Variants in ANTXR1 observed in about 807,000 individuals in gnomAD.
ANTXR1 encodes anthrax toxin receptor 1.
ANTXR1 carries 19 observed loss-of-function variants against 78.1 expected under a neutral mutation model. That is an observed-to-expected ratio of 0.24 (90% CI 0.17 to 0.36). The LOEUF (loss-of-function observed/expected upper bound fraction) is 0.36, where lower values mean the gene tolerates loss of function less well. ANTXR1 is among the 10% of genes least tolerant of loss of function. The pLI is 1.00. For synonymous variants in ANTXR1, 273 were observed against 260.5 expected (o/e 1.05, Z -0.46); for missense variants, 518 against 718.6 (o/e 0.72, Z 3.19).
intron 11 of ANTXR1, 81 bp from the exon 12 acceptor site, chr2:69,124,484 A>T: frequency 8.2e-7 from 1 of 1,218,280 alleles, no homozygotes; most frequent in East Asian, 2.3e-5. Flanking sequence ...CAGAGCCCAA[A>T]GGAGTCCTGT....
intron 3 of ANTXR1, among the ~76,000 whole-genome samples, chr2:69,066,408 G>T (rs1429013219): frequency 1.3e-5 from 2 of 151,988 alleles, no homozygotes; most frequent in African/African-American, 4.8e-5. Context: ...CGATTCTCCT[G>T]CCTCATCCTC....
chr2:69,172,892 G>A (rs1309304794), intron 14 of ANTXR1, among the ~76,000 whole-genome samples: 1 of 152,212 alleles, frequency 6.6e-6, no homozygotes, highest in Non-Finnish European at 1.5e-5. Flanking sequence ...CCTGGGTTAA[G>A]AATCTTCTCA....
At chr2:69,140,023 G>A (rs967943362) in intron 12 of ANTXR1, among the ~76,000 whole-genome samples, 7 of 152,150 alleles carry the variant, frequency 4.6e-5, no homozygotes, top group Non-Finnish European at 7.3e-5. Context: ...CTGAAAACTG[G>A]TTTTGATTAA....
At chr2:69,230,474 A>T (rs746275767) in intron 17 of ANTXR1, among the ~76,000 whole-genome samples, 9 of 152,046 alleles carry the variant, frequency 5.9e-5, no homozygotes, top group Non-Finnish European at 1.3e-4. Flanking sequence ...TAGCCTTAGG[A>T]CAGAGTTTGT....
chr2:69,231,544 T>C (rs563830357), intron 17 of ANTXR1, among the ~76,000 whole-genome samples: 9 of 152,208 alleles, frequency 5.9e-5, no homozygotes, highest in African/African-American at 9.6e-5. Context: ...TAACAAACCA[T>C]CCAAAAACCT....
chr2:69,079,159 A>G (rs1379842526), intron 8 of ANTXR1, among the ~76,000 whole-genome samples: 1 of 152,176 alleles, frequency 6.6e-6, no homozygotes, highest in Non-Finnish European at 1.5e-5. Flanking sequence ...AGTGGAAATT[A>G]TTGATAGCAT....
chr2:69,075,783 A>G, intron 7 of ANTXR1, 125 bp downstream of exon 7: 1 of 916,416 alleles, frequency 1.1e-6, no homozygotes, highest in East Asian at 2.4e-5. Context: ...TTTTTCTAGA[A>G]ATGCTAAACA....
chr2:69,245,727 A>G lies in ANTXR1; in HGVS notation c.*242A>G. On this transcript the variant is annotated 3_prime_UTR_variant, in exon 18 of 18. Transcript: ENST00000303714. ...TTATAGCCAGCCATCTATCACCTCTAGAAGGTTCCAGAGACAGTGAAACTG... is the reference window on the plus strand; with the variant it reads ...TTATAGCCAGCCATCTATCACCTCTGGAAGGTTCCAGAGACAGTGAAACTG... 1 of 522,868 alleles carries G rather than the reference A, an allele frequency of 1.9e-6. No homozygotes were observed. The allele number at this position is 522,868 out of a possible 1,614,324, so 32.4% of individuals were successfully genotyped here.
At chr2:69,156,160 G>A (rs905522879) in intron 13 of ANTXR1, among the ~76,000 whole-genome samples, 5 of 152,042 alleles carry the variant, frequency 3.3e-5, no homozygotes, top group African/African-American at 1.2e-4. Flanking sequence ...TTACCTCTAT[G>A]GATAAGAACT....
chr2:69,219,214 T>G (rs1276276203), intron 17 of ANTXR1, among the ~76,000 whole-genome samples: 1 of 152,120 alleles, frequency 6.6e-6, no homozygotes, highest in Non-Finnish European at 1.5e-5. Flanking sequence ...GGGGTTGATT[T>G]AGAGCATGCA....
chr2:69,037,192 C>A (rs1225215234), intron 1 of ANTXR1, among the ~76,000 whole-genome samples: 1 of 152,212 alleles, frequency 6.6e-6, no homozygotes, highest in Non-Finnish European at 1.5e-5. Context: ...TTTATCCAAG[C>A]CAAGGCAGAA....
chr2:69,117,442 A>C (rs898435561), intron 10 of ANTXR1, among the ~76,000 whole-genome samples: 40 of 152,364 alleles, frequency 2.6e-4, no homozygotes, highest in African/African-American at 9.4e-4. Context: ...TGATGTTAGA[A>C]AAAATCAACA....
At chr2:69,076,188 G>A (rs1670725879) in intron 7 of ANTXR1, among the ~76,000 whole-genome samples, 1 of 152,024 alleles carries the variant, frequency 6.6e-6, no homozygotes, top group South Asian at 2.1e-4. Flanking sequence ...TATTGCCCAG[G>A]CTGGTCTCTA....
At chr2:69,244,617 A>G (rs1675970391) in intron 17 of ANTXR1, among the ~76,000 whole-genome samples, 3 of 152,232 alleles carry the variant, frequency 2.0e-5, no homozygotes, top group African/African-American at 7.2e-5. Context: ...GACAACTCCA[A>G]TCACAGAATC....
At chr2:69,089,756 T>C (rs1226960789) in intron 8 of ANTXR1, among the ~76,000 whole-genome samples, 2 of 152,252 alleles carry the variant, frequency 1.3e-5, no homozygotes, top group African/African-American at 4.8e-5. Flanking sequence ...TCAGTTGTTT[T>C]AACAAATGCC....
At chr2:69,209,565 A>T (rs995098781) in intron 17 of ANTXR1, among the ~76,000 whole-genome samples, 1 of 152,268 alleles carries the variant, frequency 6.6e-6, no homozygotes, top group African/African-American at 2.4e-5. Flanking sequence ...CTAAGAATCA[A>T]AACAGTGTGA....
chr2:69,070,718 G>C lies in ANTXR1; in HGVS notation c.368G>C (p.Gly123Ala). ...GGAGGAGACACTTACATGCATGAAG[G>C]ATTTGAAAGGGTAATTTTAAAACAG... is the stretch of plus-strand genomic sequence containing the variant. Reference protein sequence around the residue: ...LPGGDTYMHEGFERASEQIYY... With the variant: ...LPGGDTYMHEAFERASEQIYY... The change falls in exon 4 of 18, where the codon GGA (glycine) becomes GCA (alanine). Residue 123 changes from glycine (G) to alanine (A), a missense_variant. Transcript: ENST00000303714. 1.9e-6 allele frequency: 3 copies of C among 1,613,986 alleles called. No homozygotes were observed. Among genetic ancestry groups the C allele is most frequent in the Non-Finnish European group, 2.5e-6 (3 of 1,179,908 alleles).
chr2:69,044,271 C>T (rs1669692180), intron 2 of ANTXR1, among the ~76,000 whole-genome samples: 1 of 152,136 alleles, frequency 6.6e-6, no homozygotes, highest in African/African-American at 2.4e-5. Flanking sequence ...GGTGATCCCA[C>T]TTTCAGATCA....
intron 17 of ANTXR1, among the ~76,000 whole-genome samples, chr2:69,239,247 T>G (rs1675841292): frequency 6.6e-6 from 1 of 152,176 alleles, no homozygotes; most frequent in African/African-American, 2.4e-5. Flanking sequence ...GATTAAATTA[T>G]CCAAGGAAAA....
Sources: allele counts gnomAD v4.1 joint callset (sites outside exome capture counted in the v4.1 genomes callset), GRCh38; gene constraint gnomAD v4.1.1; transcripts MANE v1.5; gene names NCBI Gene and HGNC (gene_info 2026-07-23, HGNC 2026-07-21).